The following USP34 variants were observed in gnomAD, a reference collection of about 807,000 sequenced individuals.
The protein encoded by USP34 is ubiquitin specific peptidase 34.
In USP34, 70 loss-of-function variants were observed where a neutral mutation model predicts 460.3. That is an observed-to-expected ratio of 0.15 (90% CI 0.13 to 0.19). USP34 has a LOEUF of 0.19. Ranked by LOEUF, USP34 falls within the 10% of genes least tolerant of loss-of-function variation. USP34 has a pLI of 1.00. For synonymous variants in USP34, 1,647 were observed against 1,405.3 expected, an observed-to-expected ratio of 1.17 and a Z score of -3.85; for missense variants, 3,985 against 4,236.2, an observed-to-expected ratio of 0.94 and a Z score of 1.65.
intron 27 of USP34, among the ~76,000 whole-genome samples, chr2:61,308,169 G>T (rs960659717): frequency 6.6e-6 from 1 of 152,092 alleles, no homozygotes; most frequent in Non-Finnish European, 1.5e-5. Context: ...TGCTAAAAGA[G>T]AAAATGAAGA....
chr2:61,269,663 T>C (rs1019520928), intron 41 of USP34, among the ~76,000 whole-genome samples: 2 of 152,110 alleles, frequency 1.3e-5, no homozygotes, highest in Non-Finnish European at 2.9e-5. Flanking sequence ...ATGTCAACAA[T>C]AAAAGTTTAA....
intron 12 of USP34, among the ~76,000 whole-genome samples, 189 bp from the exon 13 acceptor site, chr2:61,349,474 A>G (rs931798970): frequency 2.0e-5 from 3 of 152,130 alleles, no homozygotes; most frequent in Non-Finnish European, 4.4e-5. Flanking sequence ...GAGGGGTAGT[A>G]TATGTTGTCA....
At chr2:61,210,274 GCCCTACA>G (rs1333608653) in intron 69 of USP34, among the ~76,000 whole-genome samples, 1 of 152,056 alleles carries the variant, frequency 6.6e-6, no homozygotes, top group Non-Finnish European at 1.5e-5. Flanking sequence ...CATGGTAAGT[GCCCTACA>G]CAAGTGTACC....
chr2:61,257,185 T>A lies in USP34; in HGVS notation c.5991+19A>T. ...TTTGTTCAAATTTCAAAGAAACTTT[T>A]CAGTATTCTGATACTAACCAGTTCG... On this transcript the variant is annotated intron_variant, in intron 45 of 79. Transcript: ENST00000398571. 1.3e-6 allele frequency: 2 copies of A among 1,589,200 alleles called. No individual in the cohort carries two copies. The highest frequency in any genetic ancestry group is 1.7e-6 in the Non-Finnish European group (2 of 1,172,194).
intron 67 of USP34, among the ~76,000 whole-genome samples, chr2:61,215,489 TA>T (rs1012403956): frequency 1.3e-5 from 2 of 152,240 alleles, no homozygotes; most frequent in African/African-American, 4.8e-5. Flanking sequence ...GCCTATGTTA[TA>T]ATGCTGAGGA....
chr2:61,299,268 C>T (rs1690145089), intron 29 of USP34, among the ~76,000 whole-genome samples: 1 of 152,106 alleles, frequency 6.6e-6, no homozygotes, highest in Non-Finnish European at 1.5e-5. Flanking sequence ...AGCATACTAG[C>T]CTAACACAGG....
intron 18 of USP34, among the ~76,000 whole-genome samples, chr2:61,336,896 T>C (rs1351870775): frequency 6.6e-6 from 1 of 152,070 alleles, no homozygotes; most frequent in East Asian, 1.9e-4. Flanking sequence ...CTCTGACTTA[T>C]TTCTTACAAT....
At chr2:61,349,879 C>T (rs1691896041) in intron 12 of USP34, among the ~76,000 whole-genome samples, 1 of 151,678 alleles carries the variant, frequency 6.6e-6, no homozygotes, top group South Asian at 2.1e-4. Context: ...AAAAAAACCC[C>T]ACAAAGCACC....
rs771928944 is a variant in USP34 at position 61,470,708 on chromosome 2, C to G, written c.-16G>C. ...TCTCGCACATCGTTCGGCCGCCGCCCCCCCCCTCCCCCGCTTCGGATCACA... is the reference window on the plus strand; with the variant it reads ...TCTCGCACATCGTTCGGCCGCCGCCGCCCCCCTCCCCCGCTTCGGATCACA... On this transcript the variant is annotated 5_prime_UTR_variant, in exon 1 of 80. Coordinates refer to ENST00000398571, the MANE Select transcript of USP34 (RefSeq NM_014709.4). 1.3e-6 allele frequency: 2 copies of G among 1,587,130 alleles called. No homozygotes were observed. The highest frequency in any genetic ancestry group is 1.7e-6 in the Non-Finnish European group (2 of 1,165,660).
Position 61,348,846 on chromosome 2 carries a change from A to G in USP34, c.1584T>C (p.Asp528=). 2.5e-6 allele frequency: 4 copies of G among 1,613,786 alleles called. No individual in the cohort carries two copies. Among genetic ancestry groups the G allele is most frequent in the Non-Finnish European group, 3.4e-6 (4 of 1,179,822 alleles). The change falls in exon 14 of 80, where the codon GAT becomes GAC. Residue 528 remains aspartate (D), a synonymous_variant. Transcript: ENST00000398571. ...AASPQSSDNS[D]THQSGGSDIE... ...TGTCACTACCTCCACTTTGATGTGT[A>G]TCGCTATTATCACTGCTTTGAGGAC...
rs1008292226 is a variant in USP34 at position 61,188,702 on chromosome 2, T to A, written c.10041A>T (p.Glu3347Asp). 2.5e-6 allele frequency: 4 copies of A among 1,612,334 alleles called. No individual in the cohort carries two copies. The African/African-American group carries it at 5.3e-5, about 22-fold the overall frequency. ...EAKERKTKDD[E>D]GATPIKRRRV... ...GCCGCCTTTTAATGGGAGTTGCTCC[T>A]TCATCATCTGTGAAAACACATGCCA... The change falls in exon 80 of 80, where the codon GAA becomes GAT. Residue 3347 changes from glutamate to aspartate, a missense_variant. Around this residue, in one of 14 missense-constraint regions of USP34, gnomAD observed 506 missense variants for 439.0 expected, o/e 1.15. Coordinates refer to ENST00000398571, the MANE Select transcript of USP34 (RefSeq NM_014709.4).
chr2:61,437,448 C>T (rs1004804441), intron 1 of USP34, among the ~76,000 whole-genome samples: 2 of 152,066 alleles, frequency 1.3e-5, no homozygotes, highest in Non-Finnish European at 2.9e-5. Flanking sequence ...AATTCCTGAA[C>T]ACATACAATC....
In USP34 at chr2:61,343,859, T is replaced by C; in HGVS notation, c.2456A>G (p.His819Arg). 6.2e-7 allele frequency: 1 copy of C among 1,614,016 alleles called. No homozygotes were observed. Among genetic ancestry groups the C allele is most frequent in the Non-Finnish European group, 8.5e-7 (1 of 1,179,924 alleles). ...HAELTSHLQQ[H>R]LPNLASIYHE... Reference sequence around the variant, plus strand: ...GTAAATGGAAGCTAAATTGGGAAGATGTTGTTGGAGGTGAGATGTCAGTTC... The same window carrying C: ...GTAAATGGAAGCTAAATTGGGAAGACGTTGTTGGAGGTGAGATGTCAGTTC... The change falls in exon 16 of 80, where the codon CAT becomes CGT. Residue 819 changes from histidine to arginine, a missense_variant. By Grantham distance (29) the His-to-Arg change is conservative. Coordinates refer to ENST00000398571, the MANE Select transcript of USP34 (RefSeq NM_014709.4).
At chr2:61,329,794 T>C (rs1039669486) in intron 20 of USP34, among the ~76,000 whole-genome samples, 1 of 152,246 alleles carries the variant, frequency 6.6e-6, no homozygotes, top group Non-Finnish European at 1.5e-5. Flanking sequence ...ATTAAATTCT[T>C]ATAAACACTT....
chr2:61,420,705 A>T (rs1558584249), intron 2 of USP34, 41 bp downstream of exon 2: 17 of 1,502,516 alleles, frequency 1.1e-5, no homozygotes, highest in Non-Finnish European at 1.5e-5. Context: ...TTATAACACA[A>T]CTCACAAAAA....
At chr2:61,205,966 C>A (rs1158500283) in intron 72 of USP34, 51 bp downstream of exon 72, 1 of 1,388,426 alleles carries the variant, frequency 7.2e-7, no homozygotes, top group African/African-American at 1.4e-5. Context: ...AAACTCACAA[C>A]AATGTTCTTC....
At chr2:61,441,345 T>C (rs1040486794) in intron 1 of USP34, among the ~76,000 whole-genome samples, 3 of 152,004 alleles carry the variant, frequency 2.0e-5, no homozygotes, top group Non-Finnish European at 4.4e-5. Context: ...GTTAAACCTC[T>C]TATACTTTCT....
At chr2:61,202,433 T>C (rs811372) in intron 75 of USP34, among the ~76,000 whole-genome samples, 70,183 of 151,854 alleles carry the variant, frequency 0.46, 17,123 homozygotes, top group East Asian at 0.66. Flanking sequence ...CTGGAAGTCC[T>C]GAGATAGAGG....
intron 41 of USP34, 139 bp from the exon 42 acceptor site, chr2:61,266,306 GTCC>G: frequency 3.9e-6 from 3 of 770,562 alleles, no homozygotes; most frequent in Non-Finnish European, 5.9e-6. Context: ...TCATCTGAAA[GTCC>G]TCCGTGTTCA....
Sources: gnomAD v4.1 joint callset for allele counts (sites outside exome capture counted in the v4.1 genomes callset) on GRCh38, gnomAD v4.1.1 for gene constraint, gnomAD v4.1.1 regional missense constraint, MANE v1.5 for transcripts, NCBI Gene and HGNC (gene_info 2026-07-23, HGNC 2026-07-21) for gene names.